ME2: variants seen among roughly 807,000 people sequenced by gnomAD.
ME2 encodes malic enzyme 2.
In ME2, 60 loss-of-function variants were observed where a neutral mutation model predicts 73.7. The observed-to-expected ratio is 0.81, with a 90% confidence interval of 0.66 to 1.01. The LOEUF is 1.01. Ranked by LOEUF, ME2 falls within the 50% of genes least tolerant of loss-of-function variation. ME2 has a pLI of 0.00. For synonymous variants in ME2, 199 were observed against 236.9 expected, an observed-to-expected ratio of 0.84 and a Z score of 1.47; for missense variants, 594 against 705.5, an observed-to-expected ratio of 0.84 and a Z score of 1.79.
rs546705896 is a variant in ME2 at position 50,951,581 on chromosome 18, T to TAA, written c.*4401_*4402dup. The TAA allele has an allele frequency of 6.7e-6, 1 of 148,958 alleles. No individual in the cohort carries two copies. Among genetic ancestry groups the TAA allele is most frequent in the African/African-American group, 2.5e-5 (1 of 40,756 alleles). 9.2% of individuals were successfully genotyped at this position (148,958 alleles called of 1,614,324 possible). A position where few individuals can be genotyped will look rare whatever the true frequency, so the allele number is the denominator to read the frequency against. On this transcript the variant is annotated 3_prime_UTR_variant, in exon 16 of 16. Transcript: ENST00000321341. ...TTTTTTTTTAACTTCTTCATACTCT[T>TAA]AAAAAGCTCCAGAATGGCCAGGCGC...
At chr18:50,915,252 T>C (rs1917259108) in intron 4 of ME2, 1 of 152,324 alleles carries the variant, frequency 6.6e-6, no homozygotes, top group South Asian at 2.1e-4. Context: ...CCTAACACTT[T>C]GGGAGGCTGA....
Position 50,924,211 on chromosome 18 carries a change from T to C in ME2, c.1170T>C (p.Ile390=), listed in dbSNP as rs1298295746. The C allele has an allele frequency of 6.3e-7, 1 of 1,592,964 alleles. No homozygotes were observed. The highest frequency in any genetic ancestry group is 8.6e-7 in the Non-Finnish European group (1 of 1,165,276). Residue 390 remains isoleucine, a splice_region_variant and synonymous_variant, in exon 11 of 16, where the codon ATT becomes ATC. Transcript: ENST00000321341. ...ATATACTGAAGCCTTCAACTATAAT[T>C]GGTAGGTAAAGTTTTTCTGATAAAT... ...AVNILKPSTI[I]GVAGAGRLFT...
intron 12 of ME2, among the ~76,000 whole-genome samples, chr18:50,928,310 A>T (rs1257576346): frequency 6.7e-6 from 1 of 148,250 alleles, no homozygotes; most frequent in Non-Finnish European, 1.5e-5. Context: ...CAGTGGCGTC[A>T]TCTCACCTCA....
intron 13 of ME2, 86 bp downstream of exon 13, chr18:50,932,446 C>A: frequency 1.9e-6 from 2 of 1,038,210 alleles, no homozygotes; most frequent in South Asian, 1.6e-5. Context: ...GGAGACTGAA[C>A]TGAGCAACAG....
intron 5 of ME2, 45 bp from the exon 6 acceptor site, chr18:50,917,302 G>T: frequency 2.0e-6 from 3 of 1,506,354 alleles, no homozygotes; most frequent in Non-Finnish European, 2.7e-6. Context: ...TTTCTTTAGT[G>T]CCCCATTTTT....
chr18:50,880,196 C>T (rs960813261), intron 1 of ME2, among the ~76,000 whole-genome samples: 1 of 152,174 alleles, frequency 6.6e-6, no homozygotes, highest in Non-Finnish European at 1.5e-5. Context: ...CACGGATTAT[C>T]TCAAAATAAC....
Position 50,940,354 on chromosome 18 carries a change from A to G in ME2, c.1555A>G (p.Ile519Val), listed in dbSNP as rs142225329. The change falls in exon 15 of 16, where the codon ATT becomes GTT. Residue 519 changes from isoleucine (I) to valine (V), a missense_variant. Physicochemically the swap from Ile to Val is conservative, Grantham distance 29. Transcript: ENST00000321341. ...GAGACTTTACCCACCGCTTGCTAAT[A>G]TTCAGGAAGTTTCTATTAACATTGC... is the stretch of plus-strand genomic sequence containing the variant. ...QGRLYPPLAN[I>V]QEVSINIAIK... 6.8e-6 allele frequency: 11 copies of G among 1,609,434 alleles called. No homozygotes were observed. Among genetic ancestry groups the G allele is most frequent in the Admixed American group, 3.4e-5 (2 of 58,708 alleles).
At chr18:50,926,445 G>A (rs984615285) in intron 12 of ME2, among the ~76,000 whole-genome samples, 1 of 152,106 alleles carries the variant, frequency 6.6e-6, no homozygotes, top group African/African-American at 2.4e-5. Context: ...CATTGTCTTA[G>A]GTTTTTAACA....
chr18:50,920,483 C>G lies in ME2; in HGVS notation c.762C>G (p.Phe254Leu), dbSNP rs768582400. The G allele has an allele frequency of 5.6e-6, 9 of 1,597,200 alleles. No individual in the cohort carries two copies. Among genetic ancestry groups the G allele is most frequent in the Non-Finnish European group, 7.7e-6 (9 of 1,175,920 alleles). Residue 254 changes from phenylalanine (F) to leucine (L), a missense_variant, in exon 8 of 16, where the codon TTC becomes TTG. Coordinates refer to ENST00000321341, the MANE Select transcript of ME2 (RefSeq NM_002396.5). ...DRYGRNTLIQ[F>L]EDFGNHNAFR... The stretch of plus-strand genomic sequence containing the variant: ...ATGGCCGGAACACACTCATTCAGTT[C>G]GAAGACTTTGGAAATCATAATGCAT...
At position 50,916,148 on chromosome 18, in the gene ME2, G is replaced by A; in HGVS notation, c.393-20G>A. 3 of 1,553,274 alleles carry A rather than the reference G, an allele frequency of 1.9e-6. No individual in the cohort carries two copies. The highest frequency in any genetic ancestry group is 2.6e-6 in the Non-Finnish European group (3 of 1,136,078). ...AACAAAGCTGTTGTGAAATGCAAAG[G>A]TGTTTTTGTTCTGTTGCAGGGGATT... On this transcript the variant is annotated intron_variant, in intron 4 of 15. Coordinates refer to ENST00000321341, the MANE Select transcript of ME2 (RefSeq NM_002396.5).
chr18:50,880,179 G>A (rs180936416), intron 1 of ME2, among the ~76,000 whole-genome samples: 19 of 152,264 alleles, frequency 1.2e-4, no homozygotes, highest in African/African-American at 4.1e-4. Flanking sequence ...CAGAGCGCTA[G>A]TTTCTACACG....
At chr18:50,914,563 A>T (rs1917241604) in intron 4 of ME2, among the ~76,000 whole-genome samples, 3 of 152,166 alleles carry the variant, frequency 2.0e-5, no homozygotes, top group South Asian at 2.1e-4. Context: ...TTGTTTTTGT[A>T]GATGGTCATT....
rs768508206 is a variant in ME2 at position 50,939,610 on chromosome 18, T to C, written c.1458T>C (p.Ile486=). 4.3e-6 allele frequency: 7 copies of C among 1,612,354 alleles called. No individual in the cohort carries two copies. In the East Asian group the frequency reaches 1.6e-4, roughly 36 times the overall value. ...LAVILCNTRH[I]SDSVFLEAAK... ...TTATTCTCTGTAACACCCGGCATATTAGTGACAGTGTTTTCCTAGAAGCTG... is the reference window on the plus strand; with the variant it reads ...TTATTCTCTGTAACACCCGGCATATCAGTGACAGTGTTTTCCTAGAAGCTG... The change falls in exon 14 of 16, where the codon ATT becomes ATC. Residue 486 remains isoleucine (I), a synonymous_variant. Transcript: ENST00000321341.
At chr18:50,895,364 A>G (rs1916712801) in intron 1 of ME2, among the ~76,000 whole-genome samples, 1 of 152,224 alleles carries the variant, frequency 6.6e-6, no homozygotes. Context: ...ATAGTCCATT[A>G]AAATTCTAGG....
chr18:50,902,194 C>G (rs933946033), intron 2 of ME2, among the ~76,000 whole-genome samples: 10 of 152,120 alleles, frequency 6.6e-5, no homozygotes, highest in Admixed American at 6.6e-4. Context: ...TTTGTAGATT[C>G]CATCCCTAAG....
chr18:50,891,861 T>G (rs1456792214), intron 1 of ME2, among the ~76,000 whole-genome samples: 2 of 151,656 alleles, frequency 1.3e-5, no homozygotes, highest in African/African-American at 4.8e-5. Flanking sequence ...TCATCCAGGC[T>G]GGAGTGCAAT....
chr18:50,893,867 A>G (rs978059005), intron 1 of ME2, among the ~76,000 whole-genome samples: 2 of 152,194 alleles, frequency 1.3e-5, no homozygotes, highest in Admixed American at 6.5e-5. Context: ...CATCCCTACT[A>G]TCTTGGCCTG....
intron 2 of ME2, among the ~76,000 whole-genome samples, chr18:50,901,576 A>G (rs1393824183): frequency 6.6e-6 from 1 of 152,226 alleles, no homozygotes; most frequent in East Asian, 1.9e-4. Flanking sequence ...ACTTTCTTTT[A>G]CACTGTAATA....
chr18:50,884,264 AT>A (rs1274824006), intron 1 of ME2, among the ~76,000 whole-genome samples: 1 of 152,182 alleles, frequency 6.6e-6, no homozygotes, highest in Non-Finnish European at 1.5e-5. Flanking sequence ...TTTTGCATAT[AT>A]TCTCTCATTT....
Sources: allele counts gnomAD v4.1 joint callset (sites outside exome capture counted in the v4.1 genomes callset), GRCh38; gene constraint gnomAD v4.1.1; transcripts MANE v1.5; gene names NCBI Gene and HGNC (gene_info 2026-07-23, HGNC 2026-07-21).